The following VSTM4 variants were observed in gnomAD, a reference collection of about 807,000 sequenced individuals.
The protein encoded by VSTM4 is V-set and transmembrane domain-containing protein 4.
VSTM4 carries 20 observed loss-of-function variants against 36.4 expected under a neutral mutation model. The observed-to-expected ratio is 0.55, with a 90% CI of 0.39 to 0.80. The LOEUF (loss-of-function observed/expected upper bound fraction) is 0.80. Among genes scored for constraint, VSTM4 ranks in the 30% least tolerant of loss-of-function variants. VSTM4 has a pLI of 0.00. For missense variants in VSTM4, 392 were observed against 404.5 expected, an observed-to-expected ratio of 0.97 and a Z score of 0.26; for synonymous variants, 182 against 173.9, an observed-to-expected ratio of 1.05 and a Z score of -0.37.
chr10:49,096,617 A>C (rs1844573624), intron 2 of VSTM4, among the ~76,000 whole-genome samples: 4 of 116,748 alleles, frequency 3.4e-5, no homozygotes, highest in Non-Finnish European at 6.7e-5. Context: ...AAAGCCATTG[A>C]AGACCGTGTG....
At position 49,047,028 on chromosome 10, in the gene VSTM4, C is replaced by T. The variant is rs780534686; in HGVS notation, c.792G>A (p.Thr264=). ...AVPAKAPIAP[T]FHKPKLLKPQ... ...GTTTCAGCAGCTTCGGTTTATGGAACGTGGGGGCTATCGGAGCTGTGGAAG... is the reference window on the plus strand; with the variant it reads ...GTTTCAGCAGCTTCGGTTTATGGAATGTGGGGGCTATCGGAGCTGTGGAAG... Residue 264 remains threonine (T), a synonymous_variant, in exon 7 of 8, where the codon ACG becomes ACA. Coordinates refer to ENST00000332853, the MANE Select transcript of VSTM4 (RefSeq NM_001031746.5). 183 of 1,614,044 alleles carry T rather than the reference C, an allele frequency of 1.1e-4. No homozygotes were observed. Among genetic ancestry groups the T allele is most frequent in the South Asian group, 1.9e-4 (17 of 91,092 alleles).
intron 7 of VSTM4, among the ~76,000 whole-genome samples, chr10:49,027,786 C>T (rs2264848): frequency 0.52 from 79,228 of 152,172 alleles, 21,360 homozygotes; most frequent in East Asian, 0.68. Flanking sequence ...GTCTGCTCCT[C>T]TCTGTTGGTA....
intron 3 of VSTM4, 112 bp from the exon 4 acceptor site, chr10:49,077,438 C>A: frequency 1.1e-6 from 1 of 949,080 alleles, no homozygotes; most frequent in Non-Finnish European, 1.6e-6. Flanking sequence ...CTACAGTCAA[C>A]AAGGCAGTGT....
chr10:49,042,559 G>T (rs7082096), intron 7 of VSTM4, among the ~76,000 whole-genome samples: 21,687 of 152,140 alleles, frequency 0.14, 1,684 homozygotes, highest in Admixed American at 0.22. Context: ...TTAGATTTTG[G>T]ATTAAGCCCT....
chr10:49,082,650 G>A (rs1005682406), intron 3 of VSTM4, among the ~76,000 whole-genome samples: 5 of 151,946 alleles, frequency 3.3e-5, no homozygotes, highest in African/African-American at 7.3e-5. Flanking sequence ...ACTCCATCCT[G>A]GACAACAAGA....
At chr10:49,112,928 T>C (rs550234548) in intron 1 of VSTM4, among the ~76,000 whole-genome samples, 5 of 152,316 alleles carry the variant, frequency 3.3e-5, no homozygotes, top group Admixed American at 2.0e-4. Flanking sequence ...TGTAGCTGAA[T>C]AGAACAACCT....
intron 5 of VSTM4, 115 bp downstream of exon 5, chr10:49,064,588 G>A (rs1843938816): frequency 1.6e-6 from 2 of 1,223,402 alleles, no homozygotes; most frequent in South Asian, 2.6e-5. Flanking sequence ...CATATTTGTG[G>A]ACAAATATGC....
chr10:49,063,132 A>T (rs191201608), intron 5 of VSTM4, among the ~76,000 whole-genome samples: 1 of 151,802 alleles, frequency 6.6e-6, no homozygotes, highest in African/African-American at 2.4e-5. Context: ...TGAGGTCACG[A>T]GTTTGAGACC....
intron 7 of VSTM4, among the ~76,000 whole-genome samples, chr10:49,025,700 G>A (rs1272565127): frequency 6.6e-6 from 1 of 152,224 alleles, no homozygotes; most frequent in African/African-American, 2.4e-5. Context: ...AAGCCACCCA[G>A]GTGTGGCTGC....
intron 2 of VSTM4, among the ~76,000 whole-genome samples, chr10:49,095,106 C>A (rs532133937): frequency 1.3e-5 from 2 of 152,104 alleles, no homozygotes; most frequent in Non-Finnish European, 2.9e-5. Flanking sequence ...CATGGCAAGG[C>A]GGTCGGAAAA....
intron 2 of VSTM4, among the ~76,000 whole-genome samples, chr10:49,089,373 C>T (rs1380042363): frequency 6.6e-6 from 1 of 152,186 alleles, no homozygotes; most frequent in Non-Finnish European, 1.5e-5. Flanking sequence ...GGGGGTGACT[C>T]TTCAATCTCT....
At chr10:49,096,816 G>A (rs750838054) in intron 2 of VSTM4, among the ~76,000 whole-genome samples, 5 of 151,890 alleles carry the variant, frequency 3.3e-5, no homozygotes, top group African/African-American at 9.7e-5. Context: ...CACCATGCCC[G>A]GCTAATTTTT....
At chr10:49,046,703 C>G (rs1843616316) in intron 7 of VSTM4, among the ~76,000 whole-genome samples, 1 of 152,124 alleles carries the variant, frequency 6.6e-6, no homozygotes, top group South Asian at 2.1e-4. Context: ...GCAAGCAGGT[C>G]CACTTTCTAT....
chr10:49,041,065 T>C (rs932382698), intron 7 of VSTM4, among the ~76,000 whole-genome samples: 6 of 152,238 alleles, frequency 3.9e-5, no homozygotes, highest in African/African-American at 9.6e-5. Context: ...CAGGTGGCTA[T>C]TGACTTTTGT....
At chr10:49,106,946 G>C (rs910233253) in intron 2 of VSTM4, among the ~76,000 whole-genome samples, 4 of 152,182 alleles carry the variant, frequency 2.6e-5, no homozygotes, top group Non-Finnish European at 5.9e-5. Flanking sequence ...AGCATTTACT[G>C]CTTGTTCCAG....
At chr10:49,113,268 T>C (rs904507713) in intron 1 of VSTM4, among the ~76,000 whole-genome samples, 4 of 152,238 alleles carry the variant, frequency 2.6e-5, no homozygotes, top group Non-Finnish European at 4.4e-5. Flanking sequence ...TTAACAGTCT[T>C]TGGCACCAGG....
chr10:49,026,327 T>C (rs1843260890), intron 7 of VSTM4, among the ~76,000 whole-genome samples: 1 of 152,150 alleles, frequency 6.6e-6, no homozygotes, highest in Admixed American at 6.5e-5. Flanking sequence ...TCCCAAGACA[T>C]TCTGTGGGGC....
rs117572603 is a variant in VSTM4, at chr10:49,030,234, C to A, written c.838-10459G>T. ...TCTCCTTGGAGCGGAGGCCACTGGT[C>A]CACTGGGACCTCTGGCTCTAGCAGC... On this transcript the variant is annotated intron_variant, in intron 7 of 7. Transcript: ENST00000332853. Among the ~76,000 whole-genome samples, 1,463 of 152,316 alleles carry A rather than the reference C, an allele frequency of 9.6e-3. 10 individuals are homozygous for A. Among genetic ancestry groups the A allele is most frequent in the Middle Eastern group, 0.017 (5 of 294 alleles).
At chr10:49,037,369 C>T (rs1433213492) in intron 7 of VSTM4, among the ~76,000 whole-genome samples, 1 of 152,238 alleles carries the variant, frequency 6.6e-6, no homozygotes, top group African/African-American at 2.4e-5. Flanking sequence ...TTCAGTAGGT[C>T]TGAGTCAGGG....
Sources: allele counts gnomAD v4.1 joint callset (sites outside exome capture counted in the v4.1 genomes callset), GRCh38; gene constraint gnomAD v4.1.1; transcripts MANE v1.5; gene names NCBI Gene and HGNC (gene_info 2026-07-23, HGNC 2026-07-21).